Variants in ANKS1A observed in about 807,000 individuals in gnomAD.
ANKS1A encodes the protein ankyrin repeat and sterile alpha motif domain containing 1A.
In ANKS1A, 55 loss-of-function variants were observed where a neutral mutation model predicts 120.3. The observed-to-expected ratio is 0.46, with a 90% CI of 0.37 to 0.57. The LOEUF (loss-of-function observed/expected upper bound fraction) is 0.57, where lower values mean the gene tolerates loss of function less well. Ranked by LOEUF, ANKS1A falls within the 20% of genes least tolerant of loss-of-function variation. ANKS1A has a pLI of 0.00. For missense variants in ANKS1A, 1,123 were observed against 1,480.3 expected, an observed-to-expected ratio of 0.76 and a Z score of 3.96; for synonymous variants, 590 against 604.7, an observed-to-expected ratio of 0.98 and a Z score of 0.36.
chr6:34,967,153 T>G (rs1770930675), intron 1 of ANKS1A, 86 bp from the exon 2 acceptor site: 1 of 1,326,400 alleles, frequency 7.5e-7, no homozygotes, highest in African/African-American at 1.4e-5. Flanking sequence ...ACAGAAATCT[T>G]TACTAATTAG....
chr6:34,908,164 G>A (rs1434583456), intron 1 of ANKS1A, among the ~76,000 whole-genome samples: 1 of 152,178 alleles, frequency 6.6e-6, no homozygotes, highest in Non-Finnish European at 1.5e-5. Flanking sequence ...GGAGTTTGGA[G>A]GAAGAGGCTA....
chr6:34,968,371 CAG>C (rs1295807337), intron 2 of ANKS1A, among the ~76,000 whole-genome samples: 1 of 152,126 alleles, frequency 6.6e-6, no homozygotes, highest in Non-Finnish European at 1.5e-5. Context: ...CAGAGTGTAA[CAG>C]AATAGAAGGT....
At position 35,090,136 on chromosome 6, in the gene ANKS1A, C is replaced by CA; in HGVS notation, c.*1527_*1528insA. On this transcript the variant is annotated 3_prime_UTR_variant, in exon 24 of 24. Transcript: ENST00000360359. ...AGGTTGGGGCCTGGGACTCAGCTCT[C>CA]TCTGCGGTAGAGGCAGGCCCTCCTC... 2 of 1,289,436 alleles carry CA rather than the reference C, an allele frequency of 1.6e-6. No individual in the cohort carries two copies. Among genetic ancestry groups the CA allele is most frequent in the Non-Finnish European group, 2.0e-6 (2 of 988,874 alleles). 79.9% of individuals were successfully genotyped at this position (1,289,436 alleles called of 1,614,324 possible). A position where few individuals can be genotyped will look rare whatever the true frequency, so the allele number is the denominator to read the frequency against.
At chr6:35,011,567 T>C (rs1050400871) in intron 10 of ANKS1A, among the ~76,000 whole-genome samples, 4 of 152,212 alleles carry the variant, frequency 2.6e-5, no homozygotes, top group Admixed American at 6.5e-5. Context: ...GCTATACCTA[T>C]GGGCCCCAAG....
intron 1 of ANKS1A, among the ~76,000 whole-genome samples, chr6:34,920,212 GT>G (rs1768365186): frequency 6.6e-6 from 1 of 151,422 alleles, no homozygotes; most frequent in African/African-American, 2.4e-5. Flanking sequence ...TTTTTTTGTT[GT>G]TTTTCTTTCT....
intron 1 of ANKS1A, among the ~76,000 whole-genome samples, chr6:34,904,493 G>A (rs1767536063): frequency 6.6e-6 from 1 of 152,132 alleles, no homozygotes; most frequent in East Asian, 1.9e-4. Context: ...CAGCACTTTG[G>A]GAGGCTGAGG....
intron 1 of ANKS1A, among the ~76,000 whole-genome samples, chr6:34,962,530 G>A (rs1770690970): frequency 6.6e-6 from 1 of 152,098 alleles, no homozygotes; most frequent in South Asian, 2.1e-4. Flanking sequence ...GCTCATGCCT[G>A]TAATCCCAGC....
intron 11 of ANKS1A, among the ~76,000 whole-genome samples, chr6:35,039,076 A>ATGTGTG (rs879560591): frequency 4.7e-5 from 3 of 63,932 alleles, no homozygotes; most frequent in African/African-American, 1.2e-4. Context: ...TTTTGCATGT[A>ATGTGTG]TGTGTGTGTG....
chr6:34,973,915 C>A (rs1232939948), intron 3 of ANKS1A, among the ~76,000 whole-genome samples: 2 of 80,252 alleles, frequency 2.5e-5, no homozygotes, highest in Non-Finnish European at 4.9e-5. Flanking sequence ...CTTCCCCTTC[C>A]CTTCCCCTTC....
chr6:34,929,485 A>G (rs555051943), intron 1 of ANKS1A, among the ~76,000 whole-genome samples: 2 of 152,330 alleles, frequency 1.3e-5, no homozygotes, highest in East Asian at 3.9e-4. Context: ...TGTGCCGTTC[A>G]CGTGTCTCTA....
chr6:34,895,769 A>G (rs1240688514), intron 1 of ANKS1A, among the ~76,000 whole-genome samples: 2 of 147,760 alleles, frequency 1.4e-5, no homozygotes, highest in African/African-American at 5.1e-5. Context: ...TAGTTTTTCA[A>G]GAATGTCTTT....
At chr6:35,080,871 C>T (rs781688752) in intron 16 of ANKS1A, 123 bp from the exon 17 acceptor site, 14 of 1,235,582 alleles carry the variant, frequency 1.1e-5, no homozygotes, top group South Asian at 5.8e-5. Context: ...TTGGCCCCTT[C>T]GCTCCCTGCT....
At chr6:34,895,780 CTTTTTTT>C (rs995285475) in intron 1 of ANKS1A, among the ~76,000 whole-genome samples, 208 of 90,386 alleles carry the variant, frequency 2.3e-3, no homozygotes, top group Middle Eastern at 9.3e-3. Flanking sequence ...GAATGTCTTT[CTTTTTTT>C]TTTTTTTTTT....
intron 20 of ANKS1A, among the ~76,000 whole-genome samples, chr6:35,083,897 G>A (rs138601583): frequency 1.3e-5 from 2 of 152,324 alleles, no homozygotes; most frequent in Middle Eastern, 3.4e-3. Flanking sequence ...TTGTGGTTGG[G>A]TGTGAACATT....
intron 3 of ANKS1A, among the ~76,000 whole-genome samples, chr6:34,979,813 G>A (rs772476998): frequency 1.4e-4 from 22 of 152,140 alleles, no homozygotes; most frequent in Non-Finnish European, 2.4e-4. Flanking sequence ...CACTCATCTT[G>A]AGATGTACAA....
Position 34,925,562 on chromosome 6 carries a change from T to G in ANKS1A, c.197+35963T>G, listed in dbSNP as rs185679819. On this transcript the variant is annotated intron_variant, in intron 1 of 23. Transcript: ENST00000360359. Reference sequence around the variant, plus strand: ...TGAAAGAGGCTTAAATGACAAGACATGGAGGAAGAGCCTCCTTGCCAGGAA... The same window carrying G: ...TGAAAGAGGCTTAAATGACAAGACAGGGAGGAAGAGCCTCCTTGCCAGGAA... 5.9e-5 allele frequency among the ~76,000 whole-genome samples: 9 copies of G among 152,300 alleles called. No homozygotes were observed. In the East Asian group the frequency reaches 1.7e-3, roughly 29 times the overall value.
At chr6:34,945,340 A>G (rs1172789225) in intron 1 of ANKS1A, among the ~76,000 whole-genome samples, 1 of 152,194 alleles carries the variant, frequency 6.6e-6, no homozygotes, top group East Asian at 1.9e-4. Flanking sequence ...GGCTGCCCAC[A>G]GTGCTGGGAT....
chr6:34,998,586 G>A (rs531552584), intron 10 of ANKS1A, among the ~76,000 whole-genome samples: 4 of 152,184 alleles, frequency 2.6e-5, no homozygotes, highest in African/African-American at 4.8e-5. Context: ...AAAACTTCCC[G>A]GTCTGTTCTA....
rs966864645 is a variant in ANKS1A, at chr6:35,082,118, C to T, written c.2710-573C>T. ...CCGTGTTTCCTGAATCTTTTCCTTC[C>T]TCTCCATTCCTTCCACCAGTGCCCT... On this transcript the variant is annotated intron_variant, in intron 17 of 23. Transcript: ENST00000360359. This position sits in a 1 kb window ranked among gnomAD's most constrained non-coding sequence, Gnocchi z 4.1. Among the ~76,000 whole-genome samples the T allele has an allele frequency of 6.6e-6, 1 of 152,174 alleles. No individual in the cohort carries two copies. Among genetic ancestry groups the T allele is most frequent in the Non-Finnish European group, 1.5e-5 (1 of 68,038 alleles).
Sources: gnomAD v4.1 joint callset for allele counts (sites outside exome capture counted in the v4.1 genomes callset) on GRCh38, gnomAD v4.1.1 for gene constraint, Gnocchi (gnomAD v3.1) non-coding constraint, MANE v1.5 for transcripts, NCBI Gene and HGNC (gene_info 2026-07-23, HGNC 2026-07-21) for gene names.